CTTN: variants seen among roughly 807,000 people sequenced by gnomAD.
The protein encoded by CTTN is cortactin.
Under a neutral mutation model 84.0 loss-of-function variants are expected in CTTN, and 28 were observed. The observed-to-expected ratio is 0.33, with a 90% CI of 0.25 to 0.46. CTTN has a LOEUF of 0.46. Ranked by LOEUF, CTTN falls within the 20% of genes least tolerant of loss-of-function variation. The pLI is 1.00. For synonymous variants in CTTN, 301 were observed against 288.8 expected (o/e 1.04, Z -0.43); for missense variants, 641 against 723.8 (o/e 0.89, Z 1.31).
chr11:70,434,947 T>G, intron 17 of CTTN, 79 bp from the exon 18 acceptor site: 1 of 1,512,356 alleles, frequency 6.6e-7, no homozygotes, highest in Non-Finnish European at 9.1e-7. Context: ...CCTGGGAGCT[T>G]GCTCTGGGTT....
chr11:70,429,000 G>C lies in CTTN; in HGVS notation c.1028-51G>C, dbSNP rs763622052. The C allele has an allele frequency of 4.4e-6, 7 of 1,605,164 alleles. No homozygotes were observed. In the African/African-American group the frequency reaches 6.7e-5, roughly 15 times the overall value. On this transcript the variant is annotated intron_variant, in intron 13 of 17. Coordinates refer to ENST00000301843, the MANE Select transcript of CTTN (RefSeq NM_005231.4). Reference sequence around the variant, plus strand: ...GTGTGGGTGGGGCTGTTGTCCAGGAGCAGTGTTTTTGCTGTGCTCAAGGCA... The same window carrying C: ...GTGTGGGTGGGGCTGTTGTCCAGGACCAGTGTTTTTGCTGTGCTCAAGGCA...
At chr11:70,405,620 C>T (rs1039787764) in intron 2 of CTTN, among the ~76,000 whole-genome samples, 5 of 152,190 alleles carry the variant, frequency 3.3e-5, no homozygotes, top group African/African-American at 1.2e-4. Context: ...AATCTGGCCC[C>T]TTCCCCACCC....
chr11:70,410,776 T>A (rs2058088919), intron 5 of CTTN, among the ~76,000 whole-genome samples: 1 of 152,174 alleles, frequency 6.6e-6, no homozygotes, highest in Non-Finnish European at 1.5e-5. Context: ...ATGCTTGCCT[T>A]TACTCTGTGG....
At chr11:70,433,450 C>T (rs904405086) in intron 16 of CTTN, among the ~76,000 whole-genome samples, 172 bp downstream of exon 16, 5 of 152,108 alleles carry the variant, frequency 3.3e-5, no homozygotes, top group Non-Finnish European at 7.4e-5. Flanking sequence ...ACATTTGGGG[C>T]ATCGGCTCCT....
chr11:70,415,520 T>C (rs2135568129), intron 6 of CTTN, 143 bp from the exon 7 acceptor site: 1 of 785,308 alleles, frequency 1.3e-6, no homozygotes, highest in Non-Finnish European at 2.2e-6. Flanking sequence ...CACTGCCACC[T>C]GCACCTGGCT....
At chr11:70,421,928 C>T (rs916724168) in intron 11 of CTTN, 9 of 265,264 alleles carry the variant, frequency 3.4e-5, no homozygotes, top group Non-Finnish European at 4.3e-5. Context: ...TGGTGACTGC[C>T]GTGAGCCACT....
At chr11:70,406,173 G>T (rs150676179) in intron 2 of CTTN, among the ~76,000 whole-genome samples, 216 of 152,324 alleles carry the variant, frequency 1.4e-3, no homozygotes, top group African/African-American at 5.1e-3. Flanking sequence ...CTTGGCAGAC[G>T]GTTCTTCCCC....
Position 70,429,005 on chromosome 11 carries a change from G to A in CTTN, c.1028-46G>A, listed in dbSNP as rs756747713. ...GGTGGGGCTGTTGTCCAGGAGCAGT[G>A]TTTTTGCTGTGCTCAAGGCACACGT... On this transcript the variant is annotated intron_variant, in intron 13 of 17. Transcript: ENST00000301843. 14 of 1,609,552 alleles carry A rather than the reference G, an allele frequency of 8.7e-6. No homozygotes were observed. In the East Asian group the frequency reaches 2.9e-4, roughly 33 times the overall value.
chr11:70,426,442 TTTA>T, intron 13 of CTTN, among the ~76,000 whole-genome samples: 1 of 148,712 alleles, frequency 6.7e-6, no homozygotes, highest in African/African-American at 2.5e-5. Flanking sequence ...AGAGGAATGG[TTTA>T]TTTATTTATT....
At chr11:70,429,252 G>A (rs1051833291) in intron 14 of CTTN, 53 bp downstream of exon 14, 3 of 1,570,390 alleles carry the variant, frequency 1.9e-6, no homozygotes, top group Admixed American at 3.8e-5. Context: ...CTGTGCCGAG[G>A]GGATTGGGAG....
chr11:70,416,463 G>A (rs1367934258), intron 7 of CTTN, among the ~76,000 whole-genome samples: 2 of 151,972 alleles, frequency 1.3e-5, no homozygotes, highest in African/African-American at 2.4e-5. Flanking sequence ...ACAGAGTCTC[G>A]CTCTGTTGCC....
At chr11:70,427,692 CTG>C (rs1324518134) in intron 13 of CTTN, among the ~76,000 whole-genome samples, 1 of 152,230 alleles carries the variant, frequency 6.6e-6, no homozygotes, top group African/African-American at 2.4e-5. Flanking sequence ...TTGGGCAGCA[CTG>C]TGTGTTGGTC....
chr11:70,432,301 G>C (rs1480158599), intron 15 of CTTN, among the ~76,000 whole-genome samples: 2 of 152,328 alleles, frequency 1.3e-5, no homozygotes, highest in South Asian at 2.1e-4. Flanking sequence ...CTCCCGTGCA[G>C]TTCAGCCCTT....
rs2058055281 is a variant in CTTN, at chr11:70,407,506, T to C, written c.88-12T>C. The C allele has an allele frequency of 6.2e-7, 1 of 1,613,332 alleles. No homozygotes were observed. The highest frequency in any genetic ancestry group is 1.3e-5 in the African/African-American group (1 of 75,016). ...CCAGGCTGTGAGATTTACTGGTCGC[T>C]TTTCTTTTCAGAATGATGTGAGTGA... On this transcript the variant is annotated splice_polypyrimidine_tract_variant and intron_variant, in intron 3 of 17. Coordinates refer to ENST00000301843, the MANE Select transcript of CTTN (RefSeq NM_005231.4).
intron 6 of CTTN, 78 bp downstream of exon 6, chr11:70,414,730 A>G (rs1432202015): frequency 9.6e-7 from 1 of 1,041,168 alleles, no homozygotes; most frequent in Non-Finnish European, 1.5e-6. Flanking sequence ...CTGTTGGGCC[A>G]CTTGTAGTAG....
At chr11:70,432,632 C>T (rs761809544) in intron 15 of CTTN, among the ~76,000 whole-genome samples, 1 of 152,258 alleles carries the variant, frequency 6.6e-6, no homozygotes, top group Non-Finnish European at 1.5e-5. Flanking sequence ...TGTCTGTAGG[C>T]TCAGCTGCTC....
At chr11:70,406,535 A>C (rs1388530584) in intron 2 of CTTN, among the ~76,000 whole-genome samples, 1 of 152,074 alleles carries the variant, frequency 6.6e-6, no homozygotes, top group Non-Finnish European at 1.5e-5. Flanking sequence ...AAAAAAAAAA[A>C]ACCTTAAAAT....
chr11:70,400,294 C>A (rs1208651493), intron 1 of CTTN, among the ~76,000 whole-genome samples: 1 of 152,118 alleles, frequency 6.6e-6, no homozygotes. Flanking sequence ...CACAGGGAGA[C>A]CTTGTGTCTA....
chr11:70,426,136 A>T (rs1163373869), intron 13 of CTTN, among the ~76,000 whole-genome samples: 1 of 152,228 alleles, frequency 6.6e-6, no homozygotes, highest in Admixed American at 6.5e-5. Flanking sequence ...GGCCCGGCAC[A>T]GTGGCTCATG....
Sources: allele counts gnomAD v4.1 joint callset (sites outside exome capture counted in the v4.1 genomes callset), GRCh38; gene constraint gnomAD v4.1.1; transcripts MANE v1.5; gene names NCBI Gene and HGNC (gene_info 2026-07-23, HGNC 2026-07-21).